Variants in PACS2 observed in about 807,000 individuals in gnomAD.
PACS2 encodes the protein PACS1-like protein.
Under a neutral mutation model 113.0 loss-of-function variants are expected in PACS2, and 36 were observed. The ratio of observed to expected loss-of-function variants is 0.32; its 90% CI spans 0.24 to 0.42. PACS2 has a LOEUF of 0.42. PACS2 is among the 10% of genes least tolerant of loss of function. The probability of loss-of-function intolerance (pLI) is 1.00; values close to 1 mark genes in which losing one functional copy is unlikely to be tolerated. For synonymous variants in PACS2, 589 were observed against 536.1 expected, an observed-to-expected ratio of 1.10 and a Z score of -1.36; for missense variants, 1,015 against 1,239.5, an observed-to-expected ratio of 0.82 and a Z score of 2.72.
rs1053130297 is a variant in PACS2 at position 105,314,975 on chromosome 14, C to A, written c.57C>A (p.Pro19=). The part of the protein sequence containing the change: ...LPGAPGALNT[P]VPMNLFATWE... ...GCGCGCCCGGCGCGCTCAACACGCC[C>A]GTGCCCATGAACCTGTTCGCCACCT... Residue 19 remains proline, a synonymous_variant, in exon 1 of 25, where the codon CCC becomes CCA. Coordinates refer to ENST00000447393, the MANE Select transcript of PACS2 (RefSeq NM_001100913.3). 10 of 1,243,376 alleles carry A rather than the reference C, an allele frequency of 8.0e-6. No individual in the cohort carries two copies. In the African/African-American group the frequency reaches 1.3e-4, roughly 16 times the overall value. The allele number at this position is 1,243,376 out of a possible 1,614,324, so 77.0% of individuals were successfully genotyped here. A position where few individuals can be genotyped will look rare whatever the true frequency, so the allele number is the denominator to read the frequency against.
rs188471702 is a variant in PACS2 at position 105,323,169 on chromosome 14, C to G, written c.119+8132C>G. 7.9e-4 allele frequency among the ~76,000 whole-genome samples: 120 copies of G among 152,316 alleles called. No individual in the cohort carries two copies. The highest frequency in any genetic ancestry group is 2.7e-3 in the Admixed American group (41 of 15,306). On this transcript the variant is annotated intron_variant, in intron 1 of 24. Coordinates refer to ENST00000447393, the MANE Select transcript of PACS2 (RefSeq NM_001100913.3). The surrounding 1 kb of genome is among the most constrained non-coding windows in gnomAD (Gnocchi z 4.1). ...GAGTCGGGGTTACTAGACTTGCTGA[C>G]TTTGTGGATCGATGATTTTCATGAG...
rs782087208 is a variant in PACS2 at position 105,376,870 on chromosome 14, G to A, written c.904G>A (p.Gly302Ser). ...GGACATGGAGCACCCCAGCGACAGC[G>A]GCCCCGACATGGAGGATGACGACAG... ...TLDMEHPSDSGPDMEDDDSVL... is the reference protein window; with the variant it reads ...TLDMEHPSDSSPDMEDDDSVL... Residue 302 changes from glycine to serine, a missense_variant, in exon 9 of 25, where the codon GGC becomes AGC. Physicochemically the swap from Gly to Ser is moderately conservative, Grantham distance 56. Coordinates refer to ENST00000447393, the MANE Select transcript of PACS2 (RefSeq NM_001100913.3). The surrounding 1 kb of genome is among the most constrained non-coding windows in gnomAD (Gnocchi z 4.7). The A allele has an allele frequency of 1.7e-5, 27 of 1,612,966 alleles. No individual in the cohort carries two copies. Among genetic ancestry groups the A allele is most frequent in the East Asian group, 4.5e-5 (2 of 44,886 alleles).
At chr14:105,302,390 A>T (rs2058066391) in intron 1 of PACS2, among the ~76,000 whole-genome samples, 1 of 150,304 alleles carries the variant, frequency 6.7e-6, no homozygotes, top group Non-Finnish European at 1.5e-5. Context: ...TTTAGTAGAG[A>T]CGGGGTTTCT....
chr14:105,361,469 T>C (rs2060674951), intron 4 of PACS2, among the ~76,000 whole-genome samples: 1 of 152,108 alleles, frequency 6.6e-6, no homozygotes, highest in Admixed American at 6.5e-5. Flanking sequence ...AAACCTTGTC[T>C]CTACTAAAAG....
At chr14:105,349,440 T>A (rs1206851338) in intron 2 of PACS2, among the ~76,000 whole-genome samples, 5 of 152,224 alleles carry the variant, frequency 3.3e-5, no homozygotes, top group Non-Finnish European at 5.9e-5. Flanking sequence ...GCCCTGCCCT[T>A]GGAGCCCATG....
At chr14:105,308,026 A>T (rs967044069) in intron 1 of PACS2, among the ~76,000 whole-genome samples, 2 of 150,904 alleles carry the variant, frequency 1.3e-5, no homozygotes, top group African/African-American at 4.9e-5. Flanking sequence ...TCTACAAAAA[A>T]TTTAAAAATT....
At chr14:105,381,183 G>A (rs1009484060) in intron 12 of PACS2, 84 bp downstream of exon 12, 65 of 1,240,930 alleles carry the variant, frequency 5.2e-5, no homozygotes, top group Non-Finnish European at 6.4e-5. Flanking sequence ...GGGTGGGTGC[G>A]TGTCAGTCCA....
chr14:105,343,656 A>G (rs782790188), intron 1 of PACS2, among the ~76,000 whole-genome samples: 4 of 150,404 alleles, frequency 2.7e-5, no homozygotes, highest in South Asian at 2.1e-4. Context: ...TTTGCTATCA[A>G]TGTATCTTTT....
Position 105,362,313 on chromosome 14 carries a change from G to A in PACS2, c.424-4900G>A, listed in dbSNP as rs1400329234. Among the ~76,000 whole-genome samples, 22 of 151,438 alleles carry A rather than the reference G, an allele frequency of 1.5e-4. 1 individual carries two copies. Among genetic ancestry groups the A allele is most frequent in the South Asian group, 6.3e-4 (3 of 4,800 alleles). ...GGCGCCTGTAGTCCCAGCTACTCGG[G>A]AGGCTGAGGCAGGAGAATGGTGTGA... On this transcript the variant is annotated intron_variant, in intron 4 of 24. Transcript: ENST00000447393.
chr14:105,393,164 C>T (rs2081418558), intron 23 of PACS2, 58 bp from the exon 24 acceptor site: 2 of 1,378,154 alleles, frequency 1.5e-6, no homozygotes. Context: ...ACCCCTGGCC[C>T]TGGCCCCAGC....
chr14:105,392,705 A>G lies in PACS2; in HGVS notation c.2342A>G (p.Lys781Arg). 6.2e-7 allele frequency: 1 copy of G among 1,612,990 alleles called. No homozygotes were observed. Among genetic ancestry groups the G allele is most frequent in the Non-Finnish European group, 8.5e-7 (1 of 1,179,982 alleles). The change falls in exon 23 of 25, where the codon AAG (lysine) becomes AGG (arginine). Residue 781 changes from lysine (K) to arginine (R), a missense_variant. Physicochemically the swap from Lys to Arg is conservative, Grantham distance 26 (BLOSUM62 2). Transcript: ENST00000447393. ...QPADRKRDAE[K>R]KDLPVTKNTL... ...GCGGACAGGAAGAGGGACGCCGAGA[A>G]GAAGGACCTGCCTGTCACCAAAAAC...
Position 105,314,999 on chromosome 14 carries a change from C to G in PACS2, c.81C>G (p.Thr27=). Residue 27 remains threonine (T), a synonymous_variant, in exon 1 of 25, where the codon ACC becomes ACG. Transcript: ENST00000447393. ...CCGTGCCCATGAACCTGTTCGCCAC[C>G]TGGGAGGTGGACGGCTCCAGCCCCA... The part of the protein sequence containing the change: ...NTPVPMNLFA[T]WEVDGSSPSC... 5 of 1,255,508 alleles carry G rather than the reference C, an allele frequency of 4.0e-6. No homozygotes were observed. The highest frequency in any genetic ancestry group is 1.6e-5 in the South Asian group (1 of 62,976). 77.8% of individuals were successfully genotyped at this position (1,255,508 alleles called of 1,614,324 possible).
intron 4 of PACS2, among the ~76,000 whole-genome samples, chr14:105,361,971 G>A (rs1195054762): frequency 2.0e-5 from 3 of 151,228 alleles, no homozygotes; most frequent in Non-Finnish European, 3.0e-5. Context: ...CAAAAAAAAC[G>A]AATTAGTGGA....
chr14:105,376,826 A>G lies in PACS2; in HGVS notation c.860A>G (p.Asp287Gly). ...EHIPEAEEDL[D>G]LLYDTLDMEH... The stretch of plus-strand genomic sequence containing the variant: ...ATCCCCGAGGCAGAGGAGGACCTGG[A>G]CCTCCTGTATGACACCCTGGACATG... Residue 287 changes from aspartate (D) to glycine (G), a missense_variant, in exon 9 of 25, where the codon GAC (aspartate) becomes GGC (glycine). Physicochemically the swap from Asp to Gly is moderately conservative, Grantham distance 94. Transcript: ENST00000447393. This position sits in a 1 kb window ranked among gnomAD's most constrained non-coding sequence, Gnocchi z 4.7. 6.2e-7 allele frequency: 1 copy of G among 1,612,348 alleles called. No individual in the cohort carries two copies. Among genetic ancestry groups the G allele is most frequent in the Non-Finnish European group, 8.5e-7 (1 of 1,179,316 alleles).
At position 105,376,717 on chromosome 14, in the gene PACS2, G is replaced by T. The variant is rs782790772; in HGVS notation, c.802-51G>T. ...TCTGGGGTCTCGGGCGCCCCCAGTG[G>T]GGCAATGTGGGCTGCTGCAGGGAAC... On this transcript the variant is annotated intron_variant, in intron 8 of 24. Coordinates refer to ENST00000447393, the MANE Select transcript of PACS2 (RefSeq NM_001100913.3). The surrounding 1 kb of genome is among the most constrained non-coding windows in gnomAD (Gnocchi z 4.7). The T allele has an allele frequency of 2.2e-5, 35 of 1,586,674 alleles. No homozygotes were observed. Among genetic ancestry groups the T allele is most frequent in the Non-Finnish European group, 2.8e-5 (32 of 1,162,834 alleles).
At position 105,376,832 on chromosome 14, in the gene PACS2, T is replaced by C; in HGVS notation, c.866T>C (p.Leu289Pro). The C allele has an allele frequency of 1.2e-6, 2 of 1,613,268 alleles. No individual in the cohort carries two copies. Among genetic ancestry groups the C allele is most frequent in the South Asian group, 1.1e-5 (1 of 91,076 alleles). ...IPEAEEDLDL[L>P]YDTLDMEHPS... ...GAGGCAGAGGAGGACCTGGACCTCC[T>C]GTATGACACCCTGGACATGGAGCAC... The change falls in exon 9 of 25, where the codon CTG becomes CCG. Residue 289 changes from leucine to proline, a missense_variant. By Grantham distance (98) the Leu-to-Pro change is moderately conservative (BLOSUM62 -3). Coordinates refer to ENST00000447393, the MANE Select transcript of PACS2 (RefSeq NM_001100913.3). The surrounding 1 kb of genome is among the most constrained non-coding windows in gnomAD (Gnocchi z 4.7).
At chr14:105,380,703 G>C (rs1270121859) in intron 11 of PACS2, among the ~76,000 whole-genome samples, 1 of 152,180 alleles carries the variant, frequency 6.6e-6, no homozygotes, top group Non-Finnish European at 1.5e-5. Flanking sequence ...TCCTCAGTTA[G>C]GAGGTCCTGG....
intron 1 of PACS2, among the ~76,000 whole-genome samples, chr14:105,327,977 G>A (rs1427188203): frequency 3.3e-5 from 5 of 152,250 alleles, no homozygotes; most frequent in African/African-American, 1.2e-4. Flanking sequence ...TGACAGCCGA[G>A]CCTTGGCTCA....
In PACS2 at chr14:105,357,872, T is replaced by C. The variant is rs1444581597; in HGVS notation, c.423+2695T>C. ...GGCGCCATGCATTTGAGAGTAGTGC[T>C]CGGCGGTGGGGAAGGGTCCTTGAGG... On this transcript the variant is annotated intron_variant, in intron 4 of 24. Transcript: ENST00000447393. The surrounding 1 kb of genome is among the most constrained non-coding windows in gnomAD (Gnocchi z 5.1). Among the ~76,000 whole-genome samples, 2 of 151,784 alleles carry C rather than the reference T, an allele frequency of 1.3e-5. No homozygotes were observed. The highest frequency in any genetic ancestry group is 4.8e-5 in the African/African-American group (2 of 41,302).
Sources: allele counts gnomAD v4.1 joint callset (sites outside exome capture counted in the v4.1 genomes callset), GRCh38; gene constraint gnomAD v4.1.1; non-coding constraint Gnocchi (gnomAD v3.1); transcripts MANE v1.5; gene names NCBI Gene and HGNC (gene_info 2026-07-23, HGNC 2026-07-21).